CNTN5: variants seen among roughly 807,000 people sequenced by gnomAD.
CNTN5 encodes the protein contactin-5.
A neutral mutation model predicts 129.1 loss-of-function variants in CNTN5; 77 were observed. That is an observed-to-expected ratio of 0.60 (90% CI 0.50 to 0.72). The LOEUF is 0.72. CNTN5 is among the 30% of genes least tolerant of loss of function. The pLI, the probability that CNTN5 is intolerant of heterozygous loss-of-function variation, is 0.00. For synonymous variants in CNTN5, 509 were observed against 465.6 expected (o/e 1.09, Z -1.20); for missense variants, 1,478 against 1,328.8 (o/e 1.11, Z -1.75).
chr11:100,092,807 A>C (rs1049657825), intron 13 of CNTN5, among the ~76,000 whole-genome samples: 1 of 151,952 alleles, frequency 6.6e-6, no homozygotes, highest in African/African-American at 2.4e-5. Context: ...GTATGCTTGC[A>C]CCTGTGCACC....
rs147745190 is a variant in CNTN5, at chr11:100,191,240, G to T, written c.1695G>T (p.Ser565=). 5 of 1,612,174 alleles carry T rather than the reference G, an allele frequency of 3.1e-6. No homozygotes were observed. Among genetic ancestry groups the T allele is most frequent in the South Asian group, 2.2e-5 (2 of 90,902 alleles). The change falls in exon 14 of 25, where the codon TCG becomes TCT. Residue 565 remains serine, a synonymous_variant. Coordinates refer to ENST00000524871, the MANE Select transcript of CNTN5 (RefSeq NM_014361.4). The part of the protein sequence containing the change: ...NVFGSAEIIA[S]LSVKEPTRIE... ...TTGGTTCTGCTGAAATTATAGCTTC[G>T]CTATCTGTAAAAGGTAAGACAGCAC...
At chr11:99,939,403 TTGAG>T (rs1281490141) in intron 7 of CNTN5, among the ~76,000 whole-genome samples, 1 of 152,084 alleles carries the variant, frequency 6.6e-6, no homozygotes, top group East Asian at 1.9e-4. Flanking sequence ...CTCAAAATGA[TTGAG>T]TAAAAAGAAG....
intron 1 of CNTN5, among the ~76,000 whole-genome samples, chr11:99,180,565 T>C (rs545807617): frequency 1.3e-5 from 2 of 152,350 alleles, no homozygotes; most frequent in South Asian, 4.1e-4. Context: ...TAGAGATTTC[T>C]CTGAAACAGT....
At chr11:99,207,496 C>T (rs1008062806) in intron 1 of CNTN5, among the ~76,000 whole-genome samples, 2 of 152,048 alleles carry the variant, frequency 1.3e-5, no homozygotes, top group Non-Finnish European at 2.9e-5. Flanking sequence ...AAATTCAGGC[C>T]CATGATCAGT....
intron 9 of CNTN5, among the ~76,000 whole-genome samples, chr11:100,036,807 T>C (rs1236022522): frequency 4.8e-5 from 7 of 147,132 alleles, no homozygotes; most frequent in Non-Finnish European, 3.0e-5. Flanking sequence ...GTGATTTTTG[T>C]ACATTGATTT....
intron 2 of CNTN5, among the ~76,000 whole-genome samples, chr11:99,420,637 A>G (rs901323152): frequency 2.6e-5 from 4 of 152,150 alleles, no homozygotes; most frequent in African/African-American, 9.7e-5. Flanking sequence ...TGAGTTGTGG[A>G]AAGGATTAAA....
At chr11:99,576,160 G>A (rs1949344127) in intron 3 of CNTN5, among the ~76,000 whole-genome samples, 1 of 152,220 alleles carries the variant, frequency 6.6e-6, no homozygotes, top group East Asian at 1.9e-4. Flanking sequence ...CGGCAAGCCT[G>A]ATCTGTGAGG....
chr11:99,063,931 C>T (rs1243272496), intron 1 of CNTN5, among the ~76,000 whole-genome samples: 1 of 151,906 alleles, frequency 6.6e-6, no homozygotes, highest in Non-Finnish European at 1.5e-5. Context: ...CAGTTTTTAC[C>T]TATTCAACTC....
chr11:100,077,548 A>G (rs1162362796), intron 13 of CNTN5, among the ~76,000 whole-genome samples: 1 of 152,074 alleles, frequency 6.6e-6, no homozygotes, highest in Non-Finnish European at 1.5e-5. Context: ...CAGGCCAGGT[A>G]CAGTTCTCAT....
At chr11:99,209,272 T>C (rs1859643689) in intron 1 of CNTN5, among the ~76,000 whole-genome samples, 1 of 152,244 alleles carries the variant, frequency 6.6e-6, no homozygotes, top group African/African-American at 2.4e-5. Context: ...TGTGACCGGG[T>C]ACTTTATAAA....
chr11:99,424,084 A>C (rs1004455370), intron 2 of CNTN5, among the ~76,000 whole-genome samples: 2 of 152,188 alleles, frequency 1.3e-5, no homozygotes, highest in African/African-American at 4.8e-5. Context: ...ATACATACAT[A>C]CATATGATAC....
At chr11:99,853,895 T>C (rs1312785770) in intron 6 of CNTN5, among the ~76,000 whole-genome samples, 1 of 152,150 alleles carries the variant, frequency 6.6e-6, no homozygotes, top group African/African-American at 2.4e-5. Context: ...AGCTAGTAAG[T>C]AATAAAACAG....
chr11:99,266,320 C>CA (rs1179385687), intron 1 of CNTN5, among the ~76,000 whole-genome samples: 1 of 151,978 alleles, frequency 6.6e-6, no homozygotes, highest in African/African-American at 2.4e-5. Flanking sequence ...GAGGACAGGC[C>CA]AGTTACAGTG....
intron 1 of CNTN5, among the ~76,000 whole-genome samples, chr11:99,280,654 A>T (rs973058741): frequency 4.6e-5 from 7 of 151,766 alleles, no homozygotes; most frequent in Admixed American, 1.3e-4. Flanking sequence ...TCTCTGTTTT[A>T]TACAGTATAC....
chr11:99,193,238 T>A (rs951238514), intron 1 of CNTN5, among the ~76,000 whole-genome samples: 13 of 152,084 alleles, frequency 8.5e-5, no homozygotes, highest in African/African-American at 3.1e-4. Context: ...TTGGATAATA[T>A]ACAATTGTTA....
At chr11:99,174,149 CCA>C (rs1298686502) in intron 1 of CNTN5, among the ~76,000 whole-genome samples, 2 of 152,048 alleles carry the variant, frequency 1.3e-5, no homozygotes, top group African/African-American at 4.8e-5. Context: ...CAGGTGCCTG[CCA>C]CCACGCCTGA....
intron 1 of CNTN5, among the ~76,000 whole-genome samples, chr11:99,193,580 T>C (rs1565392695): frequency 6.6e-6 from 1 of 152,180 alleles, no homozygotes; most frequent in Non-Finnish European, 1.5e-5. Context: ...ACTTGAGCTG[T>C]TCACCTGGGC....
At chr11:100,153,087 A>G (rs1275121895) in intron 13 of CNTN5, among the ~76,000 whole-genome samples, 1 of 152,176 alleles carries the variant, frequency 6.6e-6, no homozygotes, top group Non-Finnish European at 1.5e-5. Flanking sequence ...GATTTATGAG[A>G]AACAATAAGG....
chr11:99,578,753 C>G (rs929755595), intron 3 of CNTN5, among the ~76,000 whole-genome samples: 22 of 151,772 alleles, frequency 1.4e-4, no homozygotes, highest in Admixed American at 1.3e-4. Flanking sequence ...GAGTAGGTTG[C>G]AAAAATTTTC....
Sources: allele counts gnomAD v4.1 joint callset (sites outside exome capture counted in the v4.1 genomes callset), GRCh38; gene constraint gnomAD v4.1.1; transcripts MANE v1.5; gene names NCBI Gene and HGNC (gene_info 2026-07-23, HGNC 2026-07-21).